The following RTN3 variants were observed in gnomAD, a reference collection of about 807,000 sequenced individuals.
RTN3 encodes reticulon-3.
Under a neutral mutation model 77.8 loss-of-function variants are expected in RTN3, and 49 were observed. The observed-to-expected ratio is 0.63, with a 90% CI of 0.50 to 0.80. RTN3 has a LOEUF of 0.80. Ranked by LOEUF, RTN3 falls within the 30% of genes least tolerant of loss-of-function variation. The pLI, the probability that RTN3 is intolerant of heterozygous loss-of-function variation, is 0.00. For synonymous variants in RTN3, 464 were observed against 446.9 expected (o/e 1.04, Z -0.48); for missense variants, 1,236 against 1,211.9 (o/e 1.02, Z -0.29).
At chr11:63,711,517 G>T (rs940798692) in intron 2 of RTN3, among the ~76,000 whole-genome samples, 2 of 151,240 alleles carry the variant, frequency 1.3e-5, no homozygotes, top group Non-Finnish European at 2.9e-5. Context: ...AGCTTCCTGA[G>T]TAGCTGGAAC....
In RTN3 at chr11:63,720,638, ACAAAG is replaced by A. The variant is rs773541532; in HGVS notation, c.2142_2146del (p.Ser714ArgfsTer6). On this transcript the variant is annotated frameshift_variant, in exon 3 of 9. Transcript: ENST00000377819. LOFTEE classifies it high-confidence loss of function. Reference sequence around the variant, plus strand: ...AAGACATTGGAAGCAAATACAGTGAACAAAGCAAAGAAACAAATGGAAGTGAGCCT... The same window carrying A: ...AAGACATTGGAAGCAAATACAGTGAACAAAGAAACAAATGGAAGTGAGCCT... 1.9e-6 allele frequency: 3 copies of A among 1,614,116 alleles called. No homozygotes were observed. In the South Asian group the frequency reaches 3.3e-5, roughly 18 times the overall value.
chr11:63,728,826 G>C (rs2012463334), intron 3 of RTN3, among the ~76,000 whole-genome samples: 1 of 150,992 alleles, frequency 6.6e-6, no homozygotes, highest in African/African-American at 2.4e-5. Flanking sequence ...GGCGGAGGTT[G>C]CAGTGAGCCG....
At position 63,699,841 on chromosome 11, in the gene RTN3, C is replaced by A. The variant is rs549217720; in HGVS notation, c.143-5010C>A. Among the ~76,000 whole-genome samples, 25 of 152,308 alleles carry A rather than the reference C, an allele frequency of 1.6e-4. No homozygotes were observed. In the South Asian group the frequency reaches 5.0e-3, roughly 30 times the overall value. On this transcript the variant is annotated intron_variant, in intron 1 of 8. Transcript: ENST00000377819. ...TATTTGATTTTCAGCTACTTGTGGGCACTGTATTACCAGTACTAACACAGG... is the reference window on the plus strand; with the variant it reads ...TATTTGATTTTCAGCTACTTGTGGGAACTGTATTACCAGTACTAACACAGG...
intron 7 of RTN3, among the ~76,000 whole-genome samples, chr11:63,755,454 T>G (rs2014325229): frequency 1.3e-5 from 2 of 151,334 alleles, no homozygotes; most frequent in Non-Finnish European, 2.9e-5. Context: ...AAGACCAGCC[T>G]GACCAACATG....
intron 2 of RTN3, among the ~76,000 whole-genome samples, chr11:63,711,278 T>C (rs1257648148): frequency 6.6e-6 from 1 of 151,556 alleles, no homozygotes; most frequent in Middle Eastern, 3.2e-3. Flanking sequence ...AGACTGAGAC[T>C]GTCTCAAAAA....
In RTN3 at chr11:63,718,958, T is replaced by G. The variant is rs771009527; in HGVS notation, c.456T>G (p.His152Gln). ...CAGTTTCTCTTGCAGCAGGAGTTCATTGTGACCGTCCTTCTATTCCAGCCA... is the reference window on the plus strand; with the variant it reads ...CAGTTTCTCTTGCAGCAGGAGTTCAGTGTGACCGTCCTTCTATTCCAGCCA... ...DSSVSLAAGV[H>Q]CDRPSIPASF... Residue 152 changes from histidine (H) to glutamine (Q), a missense_variant, in exon 3 of 9, where the codon CAT becomes CAG. Around this residue, in one of 3 missense-constraint regions of RTN3, gnomAD observed 1,056 missense variants for 990.4 expected, o/e 1.07. Coordinates refer to ENST00000377819, the MANE Select transcript of RTN3 (RefSeq NM_001265589.2). 6.2e-7 allele frequency: 1 copy of G among 1,614,222 alleles called. No individual in the cohort carries two copies. The highest frequency in any genetic ancestry group is 1.7e-5 in the Admixed American group (1 of 60,028).
In RTN3 at chr11:63,688,464, C is replaced by T. The variant is rs148206200; in HGVS notation, c.142+6686C>T. ...GTCTTGATCTCCTGACCTCATGATC[C>T]GCCAGCCTTGGCTTCCCAAAGTGCT... On this transcript the variant is annotated intron_variant, in intron 1 of 8. Coordinates refer to ENST00000377819, the MANE Select transcript of RTN3 (RefSeq NM_001265589.2). 3.7e-4 allele frequency among the ~76,000 whole-genome samples: 56 copies of T among 152,106 alleles called. No homozygotes were observed. In the East Asian group the frequency reaches 7.2e-3, roughly 19 times the overall value.
intron 8 of RTN3, among the ~76,000 whole-genome samples, chr11:63,756,968 C>T (rs933623185): frequency 6.6e-6 from 1 of 152,182 alleles, no homozygotes; most frequent in African/African-American, 2.4e-5. Context: ...ATTGCTTGAA[C>T]CTGGGAGGCG....
chr11:63,714,819 T>C (rs907571709), intron 2 of RTN3, among the ~76,000 whole-genome samples: 4 of 152,154 alleles, frequency 2.6e-5, no homozygotes, highest in Non-Finnish European at 4.4e-5. Flanking sequence ...GCCTAGAGAA[T>C]CCTTAATGTT....
intron 2 of RTN3, among the ~76,000 whole-genome samples, chr11:63,707,552 G>A (rs1444757245): frequency 6.6e-6 from 1 of 151,730 alleles, no homozygotes; most frequent in East Asian, 1.9e-4. Context: ...TGCCCTATCC[G>A]ACTGTGCGCG....
At position 63,759,717 on chromosome 11, in the gene RTN3, G is replaced by A. The variant is rs2014570076; in HGVS notation, c.*1516G>A. On this transcript the variant is annotated 3_prime_UTR_variant, in exon 9 of 9. Coordinates refer to ENST00000377819, the MANE Select transcript of RTN3 (RefSeq NM_001265589.2). ...ATTGAAGAGATCTTTGTGCCACACAGGATTTTTTTTTTTTTTTAAGAAAAA... is the reference window on the plus strand; with the variant it reads ...ATTGAAGAGATCTTTGTGCCACACAAGATTTTTTTTTTTTTTTAAGAAAAA... The A allele has an allele frequency of 6.1e-5, 3 of 49,182 alleles. No individual in the cohort carries two copies. Among genetic ancestry groups the A allele is most frequent in the Non-Finnish European group, 1.2e-4 (3 of 24,428 alleles). 3.0% of individuals were successfully genotyped at this position (49,182 alleles called of 1,614,324 possible). A position where few individuals can be genotyped will look rare whatever the true frequency, so the allele number is the denominator to read the frequency against.
intron 3 of RTN3, among the ~76,000 whole-genome samples, chr11:63,733,505 G>A (rs2012846878): frequency 6.6e-6 from 1 of 150,950 alleles, no homozygotes; most frequent in African/African-American, 2.4e-5. Context: ...AAAAAGATTG[G>A]ATAATCAATA....
chr11:63,720,686 C>G lies in RTN3; in HGVS notation c.2184C>G (p.Thr728=), dbSNP rs2011711097. Residue 728 remains threonine (T), a synonymous_variant, in exon 3 of 9, where the codon ACC becomes ACG. Transcript: ENST00000377819. ...NGSEPLGVFP[T]QGTPVASLDL... ...GTGAGCCTCTAGGTGTTTTCCCTAC[C>G]CAAGGTACTCCAGTAGCATCTCTTG... The G allele has an allele frequency of 1.9e-6, 3 of 1,613,956 alleles. No homozygotes were observed. The highest frequency in any genetic ancestry group is 1.7e-6 in the Non-Finnish European group (2 of 1,180,002).
intron 1 of RTN3, among the ~76,000 whole-genome samples, chr11:63,702,760 A>G (rs1333177800): frequency 6.6e-6 from 1 of 150,654 alleles, no homozygotes; most frequent in Admixed American, 6.6e-5. Context: ...ATCTCGGCTC[A>G]CTGCAAACTC....
In RTN3 at chr11:63,749,980, T is replaced by A; in HGVS notation, c.2531-11T>A. 1.9e-6 allele frequency: 3 copies of A among 1,606,078 alleles called. No homozygotes were observed. Among genetic ancestry groups the A allele is most frequent in the Non-Finnish European group, 1.7e-6 (2 of 1,173,028 alleles). ...GTTTCTTATAACTTATATTCCCTTT[T>A]CTTTTGTCAGTGCACGATCTGATTT... On this transcript the variant is annotated splice_polypyrimidine_tract_variant and intron_variant, in intron 3 of 8. Coordinates refer to ENST00000377819, the MANE Select transcript of RTN3 (RefSeq NM_001265589.2).
chr11:63,712,576 C>T lies in RTN3; in HGVS notation c.200-6126C>T, dbSNP rs1049299733. Among the ~76,000 whole-genome samples, 3 of 151,294 alleles carry T rather than the reference C, an allele frequency of 2.0e-5. No individual in the cohort carries two copies. In the East Asian group the frequency reaches 5.9e-4, roughly 30 times the overall value. On this transcript the variant is annotated intron_variant, in intron 2 of 8. Coordinates refer to ENST00000377819, the MANE Select transcript of RTN3 (RefSeq NM_001265589.2). ...TCTTGGCTCACCGCAATTTCCACCTCCTGGGTTCAAGCGATTCTCCTGCCT... is the reference window on the plus strand; with the variant it reads ...TCTTGGCTCACCGCAATTTCCACCTTCTGGGTTCAAGCGATTCTCCTGCCT...
chr11:63,720,098 A>T lies in RTN3; in HGVS notation c.1596A>T (p.Val532=), dbSNP rs1455589726. ...CTGTTTCCATTCCAAGTGCTGTTGT[A>T]AAAACAGGTGAAAGAGAAATCAAAG... ...EKPVSIPSAV[V]KTGEREIKEI... Residue 532 remains valine (V), a synonymous_variant, in exon 3 of 9, where the codon GTA becomes GTT. Transcript: ENST00000377819. The T allele has an allele frequency of 6.2e-7, 1 of 1,613,382 alleles. No individual in the cohort carries two copies. The highest frequency in any genetic ancestry group is 1.1e-5 in the South Asian group (1 of 90,806).
chr11:63,689,463 G>A (rs1314364600), intron 1 of RTN3, among the ~76,000 whole-genome samples: 5 of 152,134 alleles, frequency 3.3e-5, no homozygotes, highest in Non-Finnish European at 5.9e-5. Context: ...AGTCTTCTGG[G>A]CATCTGTGAG....
chr11:63,682,109 G>A (rs774117649), intron 1 of RTN3, among the ~76,000 whole-genome samples: 1 of 152,252 alleles, frequency 6.6e-6, no homozygotes, highest in Non-Finnish European at 1.5e-5. Context: ...GAACCTGGGT[G>A]ATTTAGTGAG....
Sources: gnomAD v4.1 joint callset for allele counts (sites outside exome capture counted in the v4.1 genomes callset) on GRCh38, gnomAD v4.1.1 for gene constraint, gnomAD v4.1.1 regional missense constraint, MANE v1.5 for transcripts, NCBI Gene and HGNC (gene_info 2026-07-23, HGNC 2026-07-21) for gene names.